The following ABCC9 variants were observed in gnomAD, a reference collection of about 807,000 sequenced individuals.
ABCC9 encodes the protein ATP-binding cassette sub-family C member 9.
Under a neutral mutation model 188.3 loss-of-function variants are expected in ABCC9, and 95 were observed. That is an observed-to-expected ratio of 0.50 (90% CI 0.43 to 0.60). ABCC9 has a LOEUF of 0.60. ABCC9 is among the 20% of genes least tolerant of loss of function. ABCC9 has a pLI of 0.00. For synonymous variants in ABCC9, 659 were observed against 652.7 expected (o/e 1.01, Z -0.15); for missense variants, 1,102 against 1,876.3 (o/e 0.59, Z 7.62).
At chr12:21,826,646 A>G (rs1377971657) in intron 31 of ABCC9, among the ~76,000 whole-genome samples, 5 of 152,158 alleles carry the variant, frequency 3.3e-5, no homozygotes, top group Non-Finnish European at 7.4e-5. Context: ...CTCACAATGG[A>G]TCTCTGAGAT....
intron 37 of ABCC9, among the ~76,000 whole-genome samples, chr12:21,809,061 A>C (rs1351505749): frequency 6.6e-6 from 1 of 152,312 alleles, no homozygotes; most frequent in East Asian, 1.9e-4. Flanking sequence ...CAATTTGGCA[A>C]CTATATATTG....
At chr12:21,912,528 C>T (rs978452807) in intron 8 of ABCC9, among the ~76,000 whole-genome samples, 5 of 151,744 alleles carry the variant, frequency 3.3e-5, no homozygotes, top group Non-Finnish European at 5.9e-5. Flanking sequence ...CTCAGCCACC[C>T]ATCATGTATA....
In ABCC9 at chr12:21,915,514, A is replaced by ATATATATTTTTTTTTTTTT; in HGVS notation, c.816+153_816+154insAAAAAAAAAAAAATATATA. Among the ~76,000 whole-genome samples the ATATATATTTTTTTTTTTTT allele has an allele frequency of 1.4e-3, 5 of 3,522 alleles. 1 individual carries two copies. Among genetic ancestry groups the ATATATATTTTTTTTTTTTT allele is most frequent in the Non-Finnish European group, 1.9e-3 (4 of 2,144 alleles). 2.3% of individuals were successfully genotyped at this position (3,522 alleles called of 152,430 possible). ...TGTGTGTGTGTGTATATATATATAT[A>ATATATATTTTTTTTTTTTT]TTTTTTTTTTTTTTTTGAGACAGAG... is the stretch of plus-strand genomic sequence containing the variant. On this transcript the variant is annotated intron_variant, in intron 7 of 39. Transcript: ENST00000261200.
At chr12:21,889,233 G>GT in intron 14 of ABCC9, among the ~76,000 whole-genome samples, 1 of 152,280 alleles carries the variant, frequency 6.6e-6, no homozygotes, top group Admixed American at 6.5e-5. Flanking sequence ...AGAACTAAAA[G>GT]AGGTAATTAT....
Position 21,819,271 on chromosome 12 carries a change from C to T in ABCC9, c.3670-1020G>A, listed in dbSNP as rs535666189. On this transcript the variant is annotated intron_variant, in intron 31 of 39. Transcript: ENST00000261200. ...CACTTTCTAGAATTATCTCAAGTCT[C>T]ATTCCACTGATAAACTCCTTCTCTA... 5.2e-4 allele frequency among the ~76,000 whole-genome samples: 79 copies of T among 152,272 alleles called. No individual in the cohort carries two copies. The Middle Eastern group carries it at 0.01, about 20-fold the overall frequency.
intron 17 of ABCC9, among the ~76,000 whole-genome samples, chr12:21,873,524 TC>T (rs1193925409): frequency 3.9e-5 from 6 of 152,176 alleles, no homozygotes; most frequent in Non-Finnish European, 8.8e-5. Flanking sequence ...GTAATCCTTA[TC>T]AAAATCCCTA....
At chr12:21,923,941 T>C (rs901336280) in intron 5 of ABCC9, 2 of 656,578 alleles carry the variant, frequency 3.0e-6, no homozygotes, top group Non-Finnish European at 2.7e-6. Flanking sequence ...TAAGAAAATA[T>C]TGATCTATGC....
At chr12:21,900,998 A>C (rs987091845) in intron 12 of ABCC9, among the ~76,000 whole-genome samples, 2 of 152,146 alleles carry the variant, frequency 1.3e-5, no homozygotes, top group Non-Finnish European at 2.9e-5. Context: ...AAGACACATA[A>C]TTGTCAGATT....
chr12:21,931,214 T>A (rs1358492266), intron 4 of ABCC9, among the ~76,000 whole-genome samples: 1 of 152,076 alleles, frequency 6.6e-6, no homozygotes, highest in Non-Finnish European at 1.5e-5. Context: ...CTCAACATTA[T>A]CAGTGAGTTC....
intron 14 of ABCC9, among the ~76,000 whole-genome samples, chr12:21,888,254 G>C (rs549970275): frequency 2.0e-5 from 3 of 152,248 alleles, no homozygotes; most frequent in African/African-American, 7.2e-5. Flanking sequence ...AAATAGTGAA[G>C]TTGTTTAGGA....
At chr12:21,854,611 A>C (rs1945131335) in intron 22 of ABCC9, among the ~76,000 whole-genome samples, 1 of 152,246 alleles carries the variant, frequency 6.6e-6, no homozygotes, top group Non-Finnish European at 1.5e-5. Context: ...GAGATGTTGC[A>C]ATAAGTACTG....
chr12:21,934,023 G>T (rs1277108605), intron 3 of ABCC9, 100 bp from the exon 4 acceptor site: 3 of 1,299,958 alleles, frequency 2.3e-6, no homozygotes, highest in Non-Finnish European at 3.3e-6. Context: ...GCAGGGGTGG[G>T]GGGGTCCTGA....
At chr12:21,909,991 T>C (rs774726182) in intron 10 of ABCC9, among the ~76,000 whole-genome samples, 166 bp downstream of exon 10, 7 of 151,960 alleles carry the variant, frequency 4.6e-5, no homozygotes, top group Non-Finnish European at 1.0e-4. Context: ...CTTCTCTTGC[T>C]TAACCTATGC....
chr12:21,836,673 A>G (rs547248169), intron 30 of ABCC9, among the ~76,000 whole-genome samples: 1 of 152,148 alleles, frequency 6.6e-6, no homozygotes, highest in African/African-American at 2.4e-5. Flanking sequence ...TGAGCTCCTT[A>G]ACACAGCCCA....
chr12:21,921,358 C>T (rs1037182958), intron 5 of ABCC9, among the ~76,000 whole-genome samples: 11 of 151,958 alleles, frequency 7.2e-5, no homozygotes, highest in Non-Finnish European at 8.8e-5. Flanking sequence ...GTTTGCCATT[C>T]GTGTGTCTTC....
chr12:21,896,104 T>TA (rs1947401923), intron 12 of ABCC9, among the ~76,000 whole-genome samples: 1 of 43,704 alleles, frequency 2.3e-5, no homozygotes, highest in African/African-American at 6.4e-5. Context: ...TTTTTACTTT[T>TA]CTTTTTTTTT....
chr12:21,817,036 C>T (rs188940840), intron 33 of ABCC9, 151 bp downstream of exon 33: 61 of 766,986 alleles, frequency 8.0e-5, no homozygotes, highest in Non-Finnish European at 9.1e-5. Context: ...ACATCTTTTC[C>T]GGTGTACATA....
intron 30 of ABCC9, among the ~76,000 whole-genome samples, chr12:21,832,721 C>G (rs1943843968): frequency 6.6e-6 from 1 of 152,026 alleles, no homozygotes; most frequent in Admixed American, 6.6e-5. Context: ...TGGAGATTCC[C>G]TAAAAAACTA....
intron 34 of ABCC9, among the ~76,000 whole-genome samples, 198 bp from the exon 35 acceptor site, chr12:21,814,920 C>T (rs1248781838): frequency 6.6e-6 from 1 of 152,150 alleles, no homozygotes; most frequent in African/African-American, 2.4e-5. Context: ...CAATGGCTCA[C>T]ACCTGTAAAC....
Sources: gnomAD v4.1 joint callset for allele counts (sites outside exome capture counted in the v4.1 genomes callset) on GRCh38, gnomAD v4.1.1 for gene constraint, MANE v1.5 for transcripts, NCBI Gene and HGNC (gene_info 2026-07-23, HGNC 2026-07-21) for gene names.